SERBP1: variants seen among roughly 807,000 people sequenced by gnomAD.
SERBP1 encodes SERPINE1 mRNA-binding protein 1.
Under a neutral mutation model 50.2 loss-of-function variants are expected in SERBP1, and 6 were observed. The observed-to-expected ratio is 0.12, with a 90% CI of 0.07 to 0.24. SERBP1 has a LOEUF of 0.24. SERBP1 is among the 10% of genes least tolerant of loss of function. SERBP1 has a pLI of 1.00. For synonymous variants in SERBP1, 168 were observed against 182.8 expected, an observed-to-expected ratio of 0.92 and a Z score of 0.65; for missense variants, 346 against 524.9, an observed-to-expected ratio of 0.66 and a Z score of 3.33.
chr1:67,417,171 A>AT (rs1482559109), intron 6 of SERBP1: 17 of 152,210 alleles, frequency 1.1e-4, no homozygotes, highest in Admixed American at 9.2e-4. Flanking sequence ...TCCAGCCTAC[A>AT]TGACAGAGCA....
chr1:67,429,981 G>A lies in SERBP1; in HGVS notation c.313+7C>T. ...CCAGTCTCCCCCACATTCTGCCCCT[G>A]CTTTACCTTCTTTCTTAAGCGCCAC... On this transcript the variant is annotated splice_region_variant and intron_variant, in intron 1 of 7. Transcript: ENST00000361219. 1.9e-6 allele frequency: 3 copies of A among 1,599,776 alleles called. No homozygotes were observed. In the South Asian group the frequency reaches 3.4e-5, roughly 18 times the overall value.
chr1:67,414,802 C>T (rs1411592840), intron 7 of SERBP1, among the ~76,000 whole-genome samples: 3 of 152,170 alleles, frequency 2.0e-5, no homozygotes, highest in African/African-American at 7.2e-5. Context: ...GACTGGTTTT[C>T]AGGTAAGCCT....
chr1:67,419,385 C>A (rs1667131694), intron 6 of SERBP1, among the ~76,000 whole-genome samples: 3 of 152,206 alleles, frequency 2.0e-5, no homozygotes, highest in African/African-American at 7.2e-5. Flanking sequence ...GTGCATTGAT[C>A]TGCGGGGTCA....
Position 67,430,157 on chromosome 1 carries a change from G to A in SERBP1, c.144C>T (p.Gly48=). 6.2e-7 allele frequency: 1 copy of A among 1,610,978 alleles called. No individual in the cohort carries two copies. Among genetic ancestry groups the A allele is most frequent in the Non-Finnish European group, 8.5e-7 (1 of 1,179,556 alleles). Residue 48 remains glycine, a synonymous_variant, in exon 1 of 8, where the codon GGC becomes GGT. Coordinates refer to ENST00000361219, the MANE Select transcript of SERBP1 (RefSeq NM_001018069.2). ...CCTGAGCTGCGCTCTTGGCCCCAGGGCCCCCAACGCCGCCCCCGCCGGCTT... is the reference window on the plus strand; with the variant it reads ...CCTGAGCTGCGCTCTTGGCCCCAGGACCCCCAACGCCGCCCCCGCCGGCTT... ...KKEAGGGGVG[G]PGAKSAAQAA... is the part of the protein sequence containing the mutation.
In SERBP1 at chr1:67,411,380, AAC is replaced by A. The variant is rs1666836537; in HGVS notation, c.*1825_*1826del. The A allele has an allele frequency of 1.3e-5, 2 of 152,206 alleles. No individual in the cohort carries two copies. The highest frequency in any genetic ancestry group is 2.1e-4 in the South Asian group (1 of 4,834). The allele number at this position is 152,206 out of a possible 1,614,324, so 9.4% of individuals were successfully genotyped here. A position where few individuals can be genotyped will look rare whatever the true frequency, so the allele number is the denominator to read the frequency against. On this transcript the variant is annotated 3_prime_UTR_variant, in exon 8 of 8. Transcript: ENST00000361219. ...ATGAGTTAGATACTTGAAAAGTCTA[AAC>A]ACACTGATTTAGGAGTGCGTATGTT...
At chr1:67,418,634 C>A (rs933447435) in intron 6 of SERBP1, among the ~76,000 whole-genome samples, 1 of 152,084 alleles carries the variant, frequency 6.6e-6, no homozygotes, top group African/African-American at 2.4e-5. Flanking sequence ...TGGCGAGTGT[C>A]CGTAATCCCA....
chr1:67,410,550 G>GA lies in SERBP1; in HGVS notation c.*2656dup, dbSNP rs1380096727. 1 of 152,026 alleles carries GA rather than the reference G, an allele frequency of 6.6e-6. No homozygotes were observed. The highest frequency in any genetic ancestry group is 1.5e-5 in the Non-Finnish European group (1 of 67,974). 9.4% of individuals were successfully genotyped at this position (152,026 alleles called of 1,614,324 possible). On this transcript the variant is annotated 3_prime_UTR_variant, in exon 8 of 8. Coordinates refer to ENST00000361219, the MANE Select transcript of SERBP1 (RefSeq NM_001018069.2). ...CACAGGTCTCAAAATAGCTAATAAA[G>GA]AAACCATGTCTCCAATCATTTCAAT...
At chr1:67,419,803 A>G (rs1281650169) in intron 6 of SERBP1, 3 of 556,394 alleles carry the variant, frequency 5.4e-6, no homozygotes, top group Non-Finnish European at 9.5e-6. Context: ...CACATAAAAC[A>G]TAATTACAAA....
At chr1:67,427,426 G>C (rs913820312) in intron 1 of SERBP1, among the ~76,000 whole-genome samples, 1 of 152,162 alleles carries the variant, frequency 6.6e-6, no homozygotes, top group African/African-American at 2.4e-5. Flanking sequence ...GGTTTTACAA[G>C]ATTTTAAGCT....
rs1157298472 is a variant in SERBP1, at chr1:67,410,652, G to A, written c.*2555C>T. ...AAACGCATCAAGATAAAAGTTCACT[G>A]AAACATCAGCTGCCACCATTACTTT... On this transcript the variant is annotated 3_prime_UTR_variant, in exon 8 of 8. Coordinates refer to ENST00000361219, the MANE Select transcript of SERBP1 (RefSeq NM_001018069.2). The A allele has an allele frequency of 6.6e-6, 1 of 152,156 alleles. No individual in the cohort carries two copies. Among genetic ancestry groups the A allele is most frequent in the Admixed American group, 6.5e-5 (1 of 15,278 alleles). 9.4% of individuals were successfully genotyped at this position (152,156 alleles called of 1,614,324 possible). A position where few individuals can be genotyped will look rare whatever the true frequency, so the allele number is the denominator to read the frequency against.
In SERBP1 at chr1:67,426,936, T is replaced by A; in HGVS notation, c.314-651A>T. Among the ~76,000 whole-genome samples the A allele has an allele frequency of 1.3e-5, 2 of 152,138 alleles. 1 individual carries two copies. On this transcript the variant is annotated intron_variant, in intron 1 of 7. Coordinates refer to ENST00000361219, the MANE Select transcript of SERBP1 (RefSeq NM_001018069.2). ...AACAGCCATTTAACCAGAAAAAGTG[T>A]CATCTTTTGGTCTTCTTAGCTACAG...
chr1:67,425,058 T>C, intron 3 of SERBP1, 25 bp downstream of exon 3: 1 of 1,601,182 alleles, frequency 6.2e-7, no homozygotes, highest in Non-Finnish European at 8.5e-7. Flanking sequence ...AATATTAAAG[T>C]AAAATAAAAA....
intron 1 of SERBP1, among the ~76,000 whole-genome samples, chr1:67,427,199 T>A (rs1667417150): frequency 6.6e-6 from 1 of 152,154 alleles, no homozygotes; most frequent in South Asian, 2.1e-4. Context: ...ATGTAAGAAA[T>A]AAGAAAACTT....
At position 67,425,233 on chromosome 1, in the gene SERBP1, A is replaced by G; in HGVS notation, c.465-10T>C. On this transcript the variant is annotated splice_polypyrimidine_tract_variant and intron_variant, in intron 2 of 7. Transcript: ENST00000361219. The stretch of plus-strand genomic sequence containing the variant: ...TCGGTCAATAATCGGTCTATAATAT[A>G]AACAAATAAATTATACTTCCATGGT... 1.3e-6 allele frequency: 2 copies of G among 1,578,302 alleles called. No homozygotes were observed. The highest frequency in any genetic ancestry group is 1.7e-6 in the Non-Finnish European group (2 of 1,168,358).
intron 6 of SERBP1, among the ~76,000 whole-genome samples, chr1:67,417,063 C>T (rs1667034740): frequency 1.3e-5 from 2 of 152,142 alleles, no homozygotes; most frequent in Admixed American, 6.6e-5. Flanking sequence ...GGAGTTGGCA[C>T]AGGTGTGTAG....
At chr1:67,429,919 G>T in intron 1 of SERBP1, 69 bp downstream of exon 1, 1 of 1,474,480 alleles carries the variant, frequency 6.8e-7, no homozygotes, top group South Asian at 1.4e-5. Context: ...CCAGAAACAA[G>T]TGGCAGCCGG....
At chr1:67,416,256 G>A (rs528553982) in intron 6 of SERBP1, among the ~76,000 whole-genome samples, 37 of 152,236 alleles carry the variant, frequency 2.4e-4, no homozygotes, top group Non-Finnish European at 3.8e-4. Flanking sequence ...CAAGCGATCC[G>A]CTGGCCTTGG....
At chr1:67,419,888 C>T in intron 6 of SERBP1, 121 bp downstream of exon 6, 1 of 800,178 alleles carries the variant, frequency 1.2e-6, no homozygotes, top group Non-Finnish European at 2.0e-6. Flanking sequence ...TTATCTGCCC[C>T]AAATGATCCT....
At position 67,409,262 on chromosome 1, in the gene SERBP1, C is replaced by T. The variant is rs1489856892; in HGVS notation, c.*3945G>A. ...CTCTTGTAACCCGAGAGTGACAGTTCCGGGGTCAGCAAACATTTCTGTGAA... is the reference window on the plus strand; with the variant it reads ...CTCTTGTAACCCGAGAGTGACAGTTTCGGGGTCAGCAAACATTTCTGTGAA... On this transcript the variant is annotated 3_prime_UTR_variant, in exon 8 of 8. Coordinates refer to ENST00000361219, the MANE Select transcript of SERBP1 (RefSeq NM_001018069.2). The T allele has an allele frequency of 6.6e-6, 1 of 151,584 alleles. No homozygotes were observed. The highest frequency in any genetic ancestry group is 6.6e-5 in the Admixed American group (1 of 15,228). The allele number at this position is 151,584 out of a possible 1,614,324, so 9.4% of individuals were successfully genotyped here.
Sources: allele counts gnomAD v4.1 joint callset (sites outside exome capture counted in the v4.1 genomes callset), GRCh38; gene constraint gnomAD v4.1.1; transcripts MANE v1.5; gene names NCBI Gene and HGNC (gene_info 2026-07-23, HGNC 2026-07-21).